The following PRKCB variants were observed in gnomAD, a reference collection of about 807,000 sequenced individuals.
The protein encoded by PRKCB is protein kinase C beta, also known as protein kinase C beta type.
In PRKCB, 13 loss-of-function variants were observed where a neutral mutation model predicts 81.5. The observed-to-expected ratio is 0.16, with a 90% CI of 0.10 to 0.25. The LOEUF (loss-of-function observed/expected upper bound fraction) is 0.25. PRKCB is among the 10% of genes least tolerant of loss of function. PRKCB has a pLI of 1.00. For missense variants in PRKCB, 509 were observed against 875.7 expected, an observed-to-expected ratio of 0.58 and a Z score of 5.29; for synonymous variants, 335 against 321.4, an observed-to-expected ratio of 1.04 and a Z score of -0.45.
intron 2 of PRKCB, among the ~76,000 whole-genome samples, chr16:23,925,906 C>T (rs1259454949): frequency 6.6e-6 from 1 of 151,462 alleles, no homozygotes; most frequent in African/African-American, 2.4e-5. Flanking sequence ...TAAGAATATG[C>T]ATTATTTGAC....
At position 24,220,132 on chromosome 16, in the gene PRKCB, G is replaced by A. The variant is rs374831115; in HGVS notation, c.*5316G>A. On this transcript the variant is annotated 3_prime_UTR_variant, in exon 17 of 17. Transcript: ENST00000643927. Reference sequence around the variant, plus strand: ...TGTGTAGGTGAATGCAAACTCCATCGTTGAGCCTGGGGTGTAAGACTTCAA... The same window carrying A: ...TGTGTAGGTGAATGCAAACTCCATCATTGAGCCTGGGGTGTAAGACTTCAA... 1.1e-5 allele frequency: 18 copies of A among 1,613,484 alleles called. No homozygotes were observed. Among genetic ancestry groups the A allele is most frequent in the Admixed American group, 3.3e-5 (2 of 59,972 alleles).
intron 2 of PRKCB, among the ~76,000 whole-genome samples, chr16:23,876,124 T>C (rs1002262760): frequency 6.6e-6 from 1 of 152,236 alleles, no homozygotes; most frequent in Non-Finnish European, 1.5e-5. Flanking sequence ...CAGTCATTTT[T>C]TGGACCCCTG....
chr16:23,915,210 C>T (rs1353943994), intron 2 of PRKCB, among the ~76,000 whole-genome samples: 3 of 152,148 alleles, frequency 2.0e-5, no homozygotes, highest in Non-Finnish European at 4.4e-5. Flanking sequence ...AGGCTGGCTG[C>T]TTATTTTATG....
intron 5 of PRKCB, among the ~76,000 whole-genome samples, chr16:24,044,227 T>G (rs1965738699): frequency 6.6e-6 from 1 of 152,074 alleles, no homozygotes; most frequent in Non-Finnish European, 1.5e-5. Context: ...GGTATGGTGG[T>G]GCATGCCTGT....
At position 23,978,779 on chromosome 16, in the gene PRKCB, A is replaced by G. The variant is rs527534937; in HGVS notation, c.206-9729A>G. Among the ~76,000 whole-genome samples the G allele has an allele frequency of 6.6e-5, 10 of 152,308 alleles. No homozygotes were observed. In the South Asian group the frequency reaches 2.1e-3, roughly 32 times the overall value. On this transcript the variant is annotated intron_variant, in intron 2 of 16. Transcript: ENST00000643927. ...CTTTCTATGGTGCTGGAAATTTCTT[A>G]TATCTGTACTATCCAATGTTGTCTC...
At chr16:24,202,035 CAAAA>C (rs72304458) in intron 16 of PRKCB, among the ~76,000 whole-genome samples, 2 of 117,988 alleles carry the variant, frequency 1.7e-5, no homozygotes, top group Admixed American at 8.5e-5. Flanking sequence ...GACTCCGTCT[CAAAA>C]AAAAAAAAAA....
At chr16:24,189,674 C>T (rs1301946863) in intron 15 of PRKCB, among the ~76,000 whole-genome samples, 1 of 149,216 alleles carries the variant, frequency 6.7e-6, no homozygotes, top group Non-Finnish European at 1.5e-5. Context: ...AAGTAGCTAG[C>T]TTAGAATGTA....
At chr16:23,884,717 T>G (rs944788596) in intron 2 of PRKCB, among the ~76,000 whole-genome samples, 2 of 152,078 alleles carry the variant, frequency 1.3e-5, no homozygotes, top group African/African-American at 4.8e-5. Context: ...TTATTTTTAT[T>G]TTTTGTAGCT....
In PRKCB at chr16:23,950,505, A is replaced by C. The variant is rs78673903; in HGVS notation, c.206-38003A>C. On this transcript the variant is annotated intron_variant, in intron 2 of 16. Transcript: ENST00000643927. Reference sequence around the variant, plus strand: ...GACAGACCTAAGTTCAAACCCCAGTACTGCCGTGGACAAGCTGTGTGGCCT... The same window carrying C: ...GACAGACCTAAGTTCAAACCCCAGTCCTGCCGTGGACAAGCTGTGTGGCCT... Among the ~76,000 whole-genome samples the C allele has an allele frequency of 3.8e-3, 581 of 152,336 alleles. 7 individuals carry two copies. The highest frequency in any genetic ancestry group is 0.013 in the African/African-American group (555 of 41,574).
chr16:24,169,195 G>A (rs1967399357), intron 10 of PRKCB, among the ~76,000 whole-genome samples: 1 of 152,128 alleles, frequency 6.6e-6, no homozygotes, highest in South Asian at 2.1e-4. Context: ...CCTTCTGACT[G>A]TATGAATGCT....
At chr16:24,188,023 C>G (rs1363183797) in intron 15 of PRKCB, among the ~76,000 whole-genome samples, 1 of 152,238 alleles carries the variant, frequency 6.6e-6, no homozygotes, top group Non-Finnish European at 1.5e-5. Flanking sequence ...AGGGTCCTCC[C>G]CTTCACACGC....
At chr16:23,955,597 A>G (rs1964339481) in intron 2 of PRKCB, among the ~76,000 whole-genome samples, 1 of 152,172 alleles carries the variant, frequency 6.6e-6, no homozygotes, top group Admixed American at 6.6e-5. Flanking sequence ...GTTGTCCATA[A>G]TAACAGAAAA....
At chr16:23,917,849 G>A (rs75611941) in intron 2 of PRKCB, among the ~76,000 whole-genome samples, 1 of 152,220 alleles carries the variant, frequency 6.6e-6, no homozygotes. Context: ...CTCAAAGCAA[G>A]AGAAAATTTC....
At chr16:23,912,733 G>A (rs1046090216) in intron 2 of PRKCB, among the ~76,000 whole-genome samples, 6 of 151,256 alleles carry the variant, frequency 4.0e-5, no homozygotes, top group Non-Finnish European at 8.8e-5. Flanking sequence ...GGCTGGTCTC[G>A]AACTCCTGAC....
At chr16:24,139,012 CG>C (rs1555499099) in intron 9 of PRKCB, among the ~76,000 whole-genome samples, 1 of 151,868 alleles carries the variant, frequency 6.6e-6, no homozygotes, top group Non-Finnish European at 1.5e-5. Flanking sequence ...CCACTATGCC[CG>C]GCTAAATTTT....
intron 2 of PRKCB, among the ~76,000 whole-genome samples, chr16:23,947,896 T>C (rs988088499): frequency 6.6e-6 from 1 of 151,630 alleles, no homozygotes; most frequent in African/African-American, 2.4e-5. Context: ...TTTTTTTTTT[T>C]TTTTTTTTAA....
At chr16:24,184,504 T>C (rs1396854527) in intron 13 of PRKCB, among the ~76,000 whole-genome samples, 1 of 151,474 alleles carries the variant, frequency 6.6e-6, no homozygotes, top group Non-Finnish European at 1.5e-5. Context: ...AATACTAAAG[T>C]GTTTATGTAA....
rs568396067 is a variant in PRKCB, at chr16:24,027,312, A to G, written c.289-4824A>G. Among the ~76,000 whole-genome samples, 6 of 152,298 alleles carry G rather than the reference A, an allele frequency of 3.9e-5. No homozygotes were observed. The South Asian group carries it at 1.2e-3, about 32-fold the overall frequency. On this transcript the variant is annotated intron_variant, in intron 3 of 16. Transcript: ENST00000643927. ...CACTGAACTCCCAACTTTAAGGTGAATGTCCAAGAAGCACAATGGGAACTG... is the reference window on the plus strand; with the variant it reads ...CACTGAACTCCCAACTTTAAGGTGAGTGTCCAAGAAGCACAATGGGAACTG...
intron 2 of PRKCB, among the ~76,000 whole-genome samples, chr16:23,851,024 C>G (rs1423218938): frequency 2.6e-5 from 4 of 152,174 alleles, no homozygotes; most frequent in Non-Finnish European, 5.9e-5. Context: ...AACTTCTTAT[C>G]AGATACAGCA....
Sources: allele counts gnomAD v4.1 joint callset (sites outside exome capture counted in the v4.1 genomes callset), GRCh38; gene constraint gnomAD v4.1.1; transcripts MANE v1.5; gene names NCBI Gene and HGNC (gene_info 2026-07-23, HGNC 2026-07-21).